The following SYPL2 variants were observed in gnomAD, a reference collection of about 807,000 sequenced individuals.
SYPL2 encodes the protein synaptophysin-like protein 2.
A neutral mutation model predicts 31.3 loss-of-function variants in SYPL2; 24 were observed. The observed-to-expected ratio is 0.77, with a 90% CI of 0.56 to 1.08. The LOEUF (loss-of-function observed/expected upper bound fraction) is 1.08. SYPL2 is among the 50% of genes least tolerant of loss of function. The pLI is 0.00. For missense variants in SYPL2, 342 were observed against 360.1 expected, an observed-to-expected ratio of 0.95 and a Z score of 0.41; for synonymous variants, 144 against 143.1, an observed-to-expected ratio of 1.01 and a Z score of -0.05.
Position 109,479,603 on chromosome 1 carries a change from G to T in SYPL2, c.*55G>T. Reference sequence around the variant, plus strand: ...GGACAGCACCTCTTCAACCACCTCCGGCTTCCAGGACCTTTCTCTTCCTCC... The same window carrying T: ...GGACAGCACCTCTTCAACCACCTCCTGCTTCCAGGACCTTTCTCTTCCTCC... On this transcript the variant is annotated 3_prime_UTR_variant, in exon 6 of 6. Coordinates refer to ENST00000369872, the MANE Select transcript of SYPL2 (RefSeq NM_001040709.2). 1 of 1,578,180 alleles carries T rather than the reference G, an allele frequency of 6.3e-7. No individual in the cohort carries two copies. Among genetic ancestry groups the T allele is most frequent in the Non-Finnish European group, 8.6e-7 (1 of 1,158,208 alleles).
rs1656063527 is a variant in SYPL2 at position 109,478,408 on chromosome 1, G to C, written c.648+399G>C. ...GAGCAGACCCAGCATGAGTGGGAAG[G>C]GGCTTACTGTCACTCAGCCCTCCAG... On this transcript the variant is annotated intron_variant, in intron 5 of 5. Transcript: ENST00000369872. This position sits in a 1 kb window ranked among gnomAD's most constrained non-coding sequence, Gnocchi z 4.0. Among the ~76,000 whole-genome samples, 1 of 152,234 alleles carries C rather than the reference G, an allele frequency of 6.6e-6. No homozygotes were observed. The highest frequency in any genetic ancestry group is 2.1e-4 in the South Asian group (1 of 4,834).
At position 109,480,293 on chromosome 1, in the gene SYPL2, A is replaced by G. The variant is rs1228305815; in HGVS notation, c.*745A>G. On this transcript the variant is annotated 3_prime_UTR_variant, in exon 6 of 6. Coordinates refer to ENST00000369872, the MANE Select transcript of SYPL2 (RefSeq NM_001040709.2). ...AGAATCAATTTCTTCTATCCCCTCA[A>G]TCCTCCCACCCACCAGGCTGGGGCA... is the stretch of plus-strand genomic sequence containing the variant. The G allele has an allele frequency of 2.0e-5, 3 of 152,152 alleles. No individual in the cohort carries two copies. The highest frequency in any genetic ancestry group is 4.4e-5 in the Non-Finnish European group (3 of 68,030). The allele number at this position is 152,152 out of a possible 1,614,324, so 9.4% of individuals were successfully genotyped here. A position where few individuals can be genotyped will look rare whatever the true frequency, so the allele number is the denominator to read the frequency against.
chr1:109,471,602 A>T (rs536808056), intron 2 of SYPL2, among the ~76,000 whole-genome samples: 25 of 151,802 alleles, frequency 1.6e-4, no homozygotes, highest in African/African-American at 6.0e-4. Flanking sequence ...TTTAGTAGAG[A>T]CGGCATTTTG....
chr1:109,478,701 T>G lies in SYPL2; in HGVS notation c.649-677T>G, dbSNP rs1453273790. ...GCTTATGGTTCCCCCCCAAAAAAAT[T>G]TTATTGTAGAAATGTTCACAGGTAC... On this transcript the variant is annotated intron_variant, in intron 5 of 5. Transcript: ENST00000369872. The surrounding 1 kb of genome is among the most constrained non-coding windows in gnomAD (Gnocchi z 4.0). 6.6e-6 allele frequency among the ~76,000 whole-genome samples: 1 copy of G among 152,162 alleles called. No homozygotes were observed. Among genetic ancestry groups the G allele is most frequent in the African/African-American group, 2.4e-5 (1 of 41,434 alleles).
rs935589048 is a variant in SYPL2 at position 109,478,310 on chromosome 1, C to T, written c.648+301C>T. ...CACGCTCTCTGTGATGTCTCCCCTC[C>T]TCCTGCCTGTTCTACACAATGTGTG... On this transcript the variant is annotated intron_variant, in intron 5 of 5. Coordinates refer to ENST00000369872, the MANE Select transcript of SYPL2 (RefSeq NM_001040709.2). This position sits in a 1 kb window ranked among gnomAD's most constrained non-coding sequence, Gnocchi z 4.0. Among the ~76,000 whole-genome samples the T allele has an allele frequency of 6.6e-6, 1 of 152,206 alleles. No individual in the cohort carries two copies. The highest frequency in any genetic ancestry group is 1.5e-5 in the Non-Finnish European group (1 of 68,030).
rs1025024130 is a variant in SYPL2 at position 109,466,616 on chromosome 1, C to T, written c.-228C>T. 1.2e-5 allele frequency: 5 copies of T among 407,380 alleles called. No individual in the cohort carries two copies. The highest frequency in any genetic ancestry group is 6.3e-5 in the African/African-American group (3 of 47,766). The allele number at this position is 407,380 out of a possible 1,614,324, so 25.2% of individuals were successfully genotyped here. ...CGAGTCGGGGGCTTTCTGCTGCCGGCGGGGCACCGCGGCGGCCGCAGCCTC... is the reference window on the plus strand; with the variant it reads ...CGAGTCGGGGGCTTTCTGCTGCCGGTGGGGCACCGCGGCGGCCGCAGCCTC... On this transcript the variant is annotated 5_prime_UTR_variant, in exon 1 of 6. Transcript: ENST00000369872.
At chr1:109,476,501 C>T (rs557914806) in intron 3 of SYPL2, among the ~76,000 whole-genome samples, 6 of 152,150 alleles carry the variant, frequency 3.9e-5, no homozygotes, top group African/African-American at 1.4e-4. Flanking sequence ...CCTAAAGGGC[C>T]CTGGAGACAC....
intron 2 of SYPL2, among the ~76,000 whole-genome samples, chr1:109,472,605 C>CTTTTTTTTTTTTTTTTT (rs59224604): frequency 2.8e-5 from 2 of 71,084 alleles, no homozygotes; most frequent in African/African-American, 1.2e-4. Flanking sequence ...TTTTTCTTTA[C>CTTTTTTTTTTTTTTTTT]TTTTTTTTTT....
chr1:109,479,264 C>A, intron 5 of SYPL2, 114 bp from the exon 6 acceptor site: 1 of 1,179,642 alleles, frequency 8.5e-7, no homozygotes, highest in Non-Finnish European at 1.2e-6. Context: ...CTTTCTAGTC[C>A]TCTGTGCTTC....
In SYPL2 at chr1:109,480,933, C is replaced by G. The variant is rs576599159; in HGVS notation, c.*1385C>G. On this transcript the variant is annotated 3_prime_UTR_variant, in exon 6 of 6. Coordinates refer to ENST00000369872, the MANE Select transcript of SYPL2 (RefSeq NM_001040709.2). ...TAAGGATCATTTGCTTCCTACCCAG[C>G]TCAATCTGCCCTGGCCATAGGGCTT... is the stretch of plus-strand genomic sequence containing the variant. The G allele has an allele frequency of 1.3e-5, 2 of 152,798 alleles. No individual in the cohort carries two copies. Among genetic ancestry groups the G allele is most frequent in the South Asian group, 4.1e-4 (2 of 4,828 alleles). The allele number at this position is 152,798 out of a possible 1,614,324, so 9.5% of individuals were successfully genotyped here. A position where few individuals can be genotyped will look rare whatever the true frequency, so the allele number is the denominator to read the frequency against.
At position 109,479,239 on chromosome 1, in the gene SYPL2, GCTCT is replaced by G; in HGVS notation, c.649-136_649-133del. 4.4e-6 allele frequency: 4 copies of G among 915,132 alleles called. No individual in the cohort carries two copies. The South Asian group carries it at 4.7e-5, about 11-fold the overall frequency. The allele number at this position is 915,132 out of a possible 1,614,324, so 56.7% of individuals were successfully genotyped here. On this transcript the variant is annotated intron_variant, in intron 5 of 5. Coordinates refer to ENST00000369872, the MANE Select transcript of SYPL2 (RefSeq NM_001040709.2). ...GTCCTGAGCCCTGCCTCTATACCGA[GCTCT>G]CTGTCTTAGTCTTTCTAGTCCTCTG...
In SYPL2 at chr1:109,475,682, C is replaced by T. The variant is rs775317190; in HGVS notation, c.231C>T (p.Ile77=). Residue 77 remains isoleucine, a synonymous_variant, in exon 3 of 6, where the codon ATC becomes ATT. Transcript: ENST00000369872. ...AAGCCAAGGACGTGAGCTCCATCAT[C>T]GTTGCATTTGGCTATCCCTTCAGGT... ...NNEAKDVSSI[I]VAFGYPFRLH... is the part of the protein sequence containing the mutation. 10 of 1,614,044 alleles carry T rather than the reference C, an allele frequency of 6.2e-6. No homozygotes were observed. The highest frequency in any genetic ancestry group is 1.7e-5 in the Admixed American group (1 of 60,016).
chr1:109,468,012 C>G (rs1655707941), intron 2 of SYPL2, among the ~76,000 whole-genome samples: 1 of 152,228 alleles, frequency 6.6e-6, no homozygotes, highest in African/African-American at 2.4e-5. Flanking sequence ...GAAAAAGTCA[C>G]TTGCTCAGGT....
chr1:109,475,826 T>C (rs1218293611), intron 3 of SYPL2, 121 bp downstream of exon 3: 8 of 1,398,570 alleles, frequency 5.7e-6, no homozygotes, highest in African/African-American at 2.9e-5. Flanking sequence ...CAGATTCAAA[T>C]AGAATGACAA....
In SYPL2 at chr1:109,466,764, C is replaced by G; in HGVS notation, c.-80C>G. ...CCTGCTCTGCCCCGGACCTGCAGCT[C>G]CCCGCTCCCCCGCCGTGTCCGCCGC... On this transcript the variant is annotated 5_prime_UTR_variant, in exon 1 of 6. Coordinates refer to ENST00000369872, the MANE Select transcript of SYPL2 (RefSeq NM_001040709.2). 4.2e-6 allele frequency: 6 copies of G among 1,412,082 alleles called. No homozygotes were observed. The highest frequency in any genetic ancestry group is 5.5e-6 in the Non-Finnish European group (6 of 1,085,682). The allele number at this position is 1,412,082 out of a possible 1,614,324, so 87.5% of individuals were successfully genotyped here.
In SYPL2 at chr1:109,478,017, C is replaced by T. The variant is rs1656055505; in HGVS notation, c.648+8C>T. ...CTGGCCAACATCTCCGTGGTGAGAC[C>T]TGTGGCCACTGCAGGAAGCAGCACC... On this transcript the variant is annotated splice_region_variant and intron_variant, in intron 5 of 5. Coordinates refer to ENST00000369872, the MANE Select transcript of SYPL2 (RefSeq NM_001040709.2). The surrounding 1 kb of genome is among the most constrained non-coding windows in gnomAD (Gnocchi z 4.0). 1 of 1,613,714 alleles carries T rather than the reference C, an allele frequency of 6.2e-7. No individual in the cohort carries two copies. Among genetic ancestry groups the T allele is most frequent in the East Asian group, 2.2e-5 (1 of 44,884 alleles).
Position 109,481,038 on chromosome 1 carries a change from A to G in SYPL2, c.*1490A>G, listed in dbSNP as rs1408344479. ...TGGCCCACTAAGCATCCTAAAGGTG[A>G]ATGTGCCCTGTGCCAATCTCTCCTC... On this transcript the variant is annotated 3_prime_UTR_variant, in exon 6 of 6. Transcript: ENST00000369872. 6.6e-6 allele frequency: 1 copy of G among 152,644 alleles called. No homozygotes were observed. The highest frequency in any genetic ancestry group is 1.5e-5 in the Non-Finnish European group (1 of 68,088). 9.5% of individuals were successfully genotyped at this position (152,644 alleles called of 1,614,324 possible).
At chr1:109,467,197 A>C in intron 2 of SYPL2, 64 bp downstream of exon 2, 1 of 1,103,474 alleles carries the variant, frequency 9.1e-7, no homozygotes, top group Non-Finnish European at 1.2e-6. Context: ...ACCTGAAGCA[A>C]TGGAGCCAGG....
chr1:109,472,746 G>A (rs1655872918), intron 2 of SYPL2, among the ~76,000 whole-genome samples: 1 of 151,404 alleles, frequency 6.6e-6, no homozygotes, highest in African/African-American at 2.4e-5. Context: ...TGAGTAACTG[G>A]GACTATTAGC....
Sources: allele counts gnomAD v4.1 joint callset (sites outside exome capture counted in the v4.1 genomes callset), GRCh38; gene constraint gnomAD v4.1.1; non-coding constraint Gnocchi (gnomAD v3.1); transcripts MANE v1.5; gene names NCBI Gene and HGNC (gene_info 2026-07-23, HGNC 2026-07-21).